The following DCUN1D2 variants were observed in gnomAD, a reference collection of about 807,000 sequenced individuals.
The protein encoded by DCUN1D2 is DCN1-like protein 2.
In DCUN1D2, 29 loss-of-function variants were observed where a neutral mutation model predicts 30.9. The observed-to-expected ratio is 0.94, with a 90% confidence interval of 0.70 to 1.28. The LOEUF is 1.28. Among genes scored for constraint, DCUN1D2 ranks in the 50% most tolerant of loss-of-function variants. The probability of loss-of-function intolerance (pLI) is 0.00; values close to 1 mark genes in which losing one functional copy is unlikely to be tolerated. For missense variants in DCUN1D2, 325 were observed against 316.9 expected, an observed-to-expected ratio of 1.03 and a Z score of -0.19; for synonymous variants, 121 against 115.3, an observed-to-expected ratio of 1.05 and a Z score of -0.32.
At chr13:113,462,660 C>T (rs146115198) in intron 4 of DCUN1D2, 3 of 770,192 alleles carry the variant, frequency 3.9e-6, no homozygotes, top group African/African-American at 1.9e-5. Flanking sequence ...TTTTGAATAC[C>T]CTGGAGTCTG....
At chr13:113,486,195 T>C (rs1283840451) in intron 1 of DCUN1D2, among the ~76,000 whole-genome samples, 1 of 151,772 alleles carries the variant, frequency 6.6e-6, no homozygotes, top group Non-Finnish European at 1.5e-5. Flanking sequence ...TTGTGTCCTT[T>C]GCAGCAACAT....
rs59075073 is a variant in DCUN1D2 at position 113,468,043 on chromosome 13, TAA to T, written c.520+6079_520+6080del. 2.6e-3 allele frequency among the ~76,000 whole-genome samples: 248 copies of T among 97,184 alleles called. 1 individual carries two copies. Among genetic ancestry groups the T allele is most frequent in the African/African-American group, 6.3e-3 (156 of 24,942 alleles). The allele number at this position is 97,184 out of a possible 152,430, so 63.8% of individuals were successfully genotyped here. ...TGGGCGACAGAGCGAGGATCCATCTTAAAAAAAAAAAAAAAAAAAAAAGAATT... is the reference window on the plus strand; with the variant it reads ...TGGGCGACAGAGCGAGGATCCATCTTAAAAAAAAAAAAAAAAAAAAGAATT... On this transcript the variant is annotated intron_variant, in intron 4 of 6. Coordinates refer to ENST00000478244, the MANE Select transcript of DCUN1D2 (RefSeq NM_001014283.2).
At chr13:113,466,292 G>A (rs2044401556) in intron 4 of DCUN1D2, among the ~76,000 whole-genome samples, 1 of 152,126 alleles carries the variant, frequency 6.6e-6, no homozygotes, top group Non-Finnish European at 1.5e-5. Context: ...TTTTGCCTTA[G>A]CCTCTTAGAA....
At chr13:113,487,530 G>A (rs1594129774) in intron 1 of DCUN1D2, among the ~76,000 whole-genome samples, 1 of 152,134 alleles carries the variant, frequency 6.6e-6, no homozygotes, top group African/African-American at 2.4e-5. Context: ...TCCAGCCACA[G>A]TGCACGAGTC....
At chr13:113,468,597 T>TGC (rs1336189384) in intron 4 of DCUN1D2, among the ~76,000 whole-genome samples, 1 of 151,908 alleles carries the variant, frequency 6.6e-6, no homozygotes, top group African/African-American at 2.4e-5. Context: ...ACGCGAGACG[T>TGC]GCCACGCTCC....
chr13:113,462,355 TAAAAG>T (rs2044332501), intron 4 of DCUN1D2, among the ~76,000 whole-genome samples: 1 of 151,988 alleles, frequency 6.6e-6, no homozygotes, highest in Non-Finnish European at 1.5e-5. Context: ...TTTTAGGCAA[TAAAAG>T]AAGAGTTATA....
At chr13:113,485,022 G>A (rs903292014) in intron 1 of DCUN1D2, among the ~76,000 whole-genome samples, 2 of 152,102 alleles carry the variant, frequency 1.3e-5, no homozygotes, top group African/African-American at 2.4e-5. Context: ...AGATTGCAGC[G>A]AGCTGAGATC....
At position 113,456,647 on chromosome 13, in the gene DCUN1D2, G is replaced by A. The variant is rs41286632; in HGVS notation, c.*1382C>T. The A allele has an allele frequency of 3.5e-4, 116 of 327,968 alleles. No homozygotes were observed. The highest frequency in any genetic ancestry group is 6.2e-4 in the Non-Finnish European group (113 of 181,478). The allele number at this position is 327,968 out of a possible 1,614,324, so 20.3% of individuals were successfully genotyped here. On this transcript the variant is annotated 3_prime_UTR_variant, in exon 7 of 7. Transcript: ENST00000478244. Reference sequence around the variant, plus strand: ...ACTCAATACCAGCCCTCCACACCTCGGCAGCACTCGTGGGTCCTCCTCAAC... The same window carrying A: ...ACTCAATACCAGCCCTCCACACCTCAGCAGCACTCGTGGGTCCTCCTCAAC...
At chr13:113,458,983 C>CA (rs1261207967) in intron 6 of DCUN1D2, among the ~76,000 whole-genome samples, 1 of 152,154 alleles carries the variant, frequency 6.6e-6, no homozygotes, top group East Asian at 1.9e-4. Context: ...CTGAAGAGTG[C>CA]AGTGTGGAAC....
At chr13:113,458,196 C>T (rs2044257393) in intron 6 of DCUN1D2, 88 bp from the exon 7 acceptor site, 4 of 1,094,280 alleles carry the variant, frequency 3.7e-6, no homozygotes, top group Non-Finnish European at 5.6e-6. Flanking sequence ...AACATTTACA[C>T]TTCAAGAACC....
intron 1 of DCUN1D2, among the ~76,000 whole-genome samples, chr13:113,484,557 G>A (rs191782514): frequency 6.9e-4 from 105 of 152,090 alleles, no homozygotes; most frequent in African/African-American, 2.4e-3. Flanking sequence ...TAAGAATAGC[G>A]TTAAAAGTAA....
chr13:113,459,949 C>T (rs1213087032), intron 5 of DCUN1D2, among the ~76,000 whole-genome samples: 3 of 152,160 alleles, frequency 2.0e-5, no homozygotes. Flanking sequence ...CTGGCTTTTC[C>T]AGTATTCTGC....
upstream of DCUN1D2, chr13:113,491,232 G>C (rs1259349696): frequency 6.6e-6 from 1 of 152,340 alleles, no homozygotes; most frequent in African/African-American, 2.4e-5. Flanking sequence ...GCGGAACGGT[G>C]ATGCTCGGGC....
At chr13:113,460,392 A>G (rs977399711) in intron 5 of DCUN1D2, among the ~76,000 whole-genome samples, 7 of 152,304 alleles carry the variant, frequency 4.6e-5, no homozygotes, top group Admixed American at 1.3e-4. Context: ...TTTCACTTTC[A>G]TGGACAGAAC....
At chr13:113,465,413 C>T (rs1336960595) in intron 4 of DCUN1D2, among the ~76,000 whole-genome samples, 1 of 151,970 alleles carries the variant, frequency 6.6e-6, no homozygotes, top group Admixed American at 6.6e-5. Context: ...CCTGAAATGG[C>T]CGAATTTTAG....
chr13:113,458,508 A>T (rs1335658516), intron 6 of DCUN1D2, among the ~76,000 whole-genome samples: 1 of 152,074 alleles, frequency 6.6e-6, no homozygotes, highest in Non-Finnish European at 1.5e-5. Context: ...GGACCACCCC[A>T]TTGCTCCCTT....
At chr13:113,459,258 A>C in intron 6 of DCUN1D2, 54 bp downstream of exon 6, 1 of 972,372 alleles carries the variant, frequency 1.0e-6, no homozygotes, top group Non-Finnish European at 1.7e-6. Flanking sequence ...GGAGAAGTTA[A>C]CGTTCTCAGG....
chr13:113,480,679 C>T lies in DCUN1D2; in HGVS notation c.285G>A (p.Leu95=). Residue 95 remains leucine, a synonymous_variant, in exon 3 of 7, where the codon CTG becomes CTA. Coordinates refer to ENST00000478244, the MANE Select transcript of DCUN1D2 (RefSeq NM_001014283.2). The part of the protein sequence containing the change: ...GIQQFCDDLS[L]DPASISVLVI... ...CCAATACACTGATACTGGCAGGATC[C>T]AGGCTCAGATCATCACAAAACTGTT... 8.7e-6 allele frequency: 14 copies of T among 1,614,138 alleles called. No homozygotes were observed. Among genetic ancestry groups the T allele is most frequent in the Non-Finnish European group, 1.2e-5 (14 of 1,180,022 alleles).
chr13:113,462,681 A>G, intron 4 of DCUN1D2: 1 of 908,046 alleles, frequency 1.1e-6, no homozygotes, highest in Non-Finnish European at 1.3e-6. Context: ...AATCAGAAAG[A>G]AAGAGAGAGT....
Sources: allele counts gnomAD v4.1 joint callset (sites outside exome capture counted in the v4.1 genomes callset), GRCh38; gene constraint gnomAD v4.1.1; transcripts MANE v1.5; gene names NCBI Gene and HGNC (gene_info 2026-07-23, HGNC 2026-07-21).